Variants in CDON observed in about 807,000 individuals in gnomAD.
The protein encoded by CDON is cell adhesion molecule-related/down-regulated by oncogenes.
A neutral mutation model predicts 120.9 loss-of-function variants in CDON; 73 were observed. The ratio of observed to expected loss-of-function variants is 0.60; its 90% CI spans 0.50 to 0.73. The LOEUF is 0.73. CDON is among the 30% of genes least tolerant of loss of function. The probability of loss-of-function intolerance (pLI) is 0.00; values close to 1 mark genes in which losing one functional copy is unlikely to be tolerated. For missense variants in CDON, 1,470 were observed against 1,587.3 expected (o/e 0.93, Z 1.26); for synonymous variants, 566 against 573.5 (o/e 0.99, Z 0.19).
At chr11:126,042,166 G>T (rs1378510754) in intron 1 of CDON, among the ~76,000 whole-genome samples, 1 of 152,194 alleles carries the variant, frequency 6.6e-6, no homozygotes, top group Non-Finnish European at 1.5e-5. Context: ...TTACAGGCGT[G>T]AGCCACCAAG....
At chr11:126,055,096 A>G (rs1165819099) in intron 1 of CDON, among the ~76,000 whole-genome samples, 1 of 152,244 alleles carries the variant, frequency 6.6e-6, no homozygotes, top group Non-Finnish European at 1.5e-5. Flanking sequence ...CATTTCAGAA[A>G]GATCATTACT....
chr11:126,010,406 C>G lies in CDON; in HGVS notation c.1487G>C (p.Gly496Ala). The stretch of plus-strand genomic sequence containing the variant: ...ATTTGCAGCTTCGCAGATGTATTTC[C>G]CCGCATGTTCCTGAGTCACAGCCTG... ...HIQAVTQEHAGKYICEAANEH... is the reference protein window; with the variant it reads ...HIQAVTQEHAAKYICEAANEH... Residue 496 changes from glycine (G) to alanine (A), a missense_variant, in exon 8 of 20, where the codon GGG (glycine) becomes GCG (alanine). Physicochemically the swap from Gly to Ala is moderately conservative, Grantham distance 60. Transcript: ENST00000531738. The G allele has an allele frequency of 6.2e-7, 1 of 1,614,082 alleles. No individual in the cohort carries two copies. The highest frequency in any genetic ancestry group is 1.1e-5 in the South Asian group (1 of 91,074).
intron 1 of CDON, among the ~76,000 whole-genome samples, chr11:126,029,189 ACTCT>A (rs1473290427): frequency 5.9e-5 from 9 of 152,036 alleles, no homozygotes; most frequent in Non-Finnish European, 1.0e-4. Flanking sequence ...AGCAACTTTC[ACTCT>A]CTATTAGGGA....
chr11:125,962,103 TAAGA>T (rs1297336349), intron 18 of CDON, 105 bp from the exon 19 acceptor site: 12 of 866,776 alleles, frequency 1.4e-5, no homozygotes, highest in African/African-American at 3.3e-5. Flanking sequence ...CACAGACTCT[TAAGA>T]AAGAGTGATG....
Position 125,959,123 on chromosome 11 carries a change from A to G in CDON, c.*1819T>C, listed in dbSNP as rs1945570327. On this transcript the variant is annotated 3_prime_UTR_variant, in exon 20 of 20. Coordinates refer to ENST00000531738, the MANE Select transcript of CDON (RefSeq NM_001378964.1). ...TAGGGAATTACATTCACTACATTCTACTGGAAGTAACTCTTGCATAGTGAC... is the reference window on the plus strand; with the variant it reads ...TAGGGAATTACATTCACTACATTCTGCTGGAAGTAACTCTTGCATAGTGAC... The G allele has an allele frequency of 6.6e-6, 1 of 152,190 alleles. No individual in the cohort carries two copies. The highest frequency in any genetic ancestry group is 2.1e-4 in the South Asian group (1 of 4,830). 9.4% of individuals were successfully genotyped at this position (152,190 alleles called of 1,614,324 possible). A position where few individuals can be genotyped will look rare whatever the true frequency, so the allele number is the denominator to read the frequency against.
chr11:126,019,629 T>C lies in CDON; in HGVS notation c.486A>G (p.Glu162=). 1 of 1,614,140 alleles carries C rather than the reference T, an allele frequency of 6.2e-7. No homozygotes were observed. Among genetic ancestry groups the C allele is most frequent in the African/African-American group, 1.3e-5 (1 of 75,044 alleles). The part of the protein sequence containing the change: ...VRYKIRGKWL[E]HSTENYLILP... Reference sequence around the variant, plus strand: ...CACAAAAGGTCTCACCTGTGGAATGTTCCAGCCATTTTCCCCGGATTTTAT... The same window carrying C: ...CACAAAAGGTCTCACCTGTGGAATGCTCCAGCCATTTTCCCCGGATTTTAT... Residue 162 remains glutamate (E), a synonymous_variant, in exon 4 of 20, where the codon GAA becomes GAG. Coordinates refer to ENST00000531738, the MANE Select transcript of CDON (RefSeq NM_001378964.1).
intron 11 of CDON, among the ~76,000 whole-genome samples, chr11:125,998,366 A>G (rs694091): frequency 0.053 from 8,064 of 152,138 alleles, 253 homozygotes; most frequent in African/African-American, 0.079. Context: ...TGCCCTCCCC[A>G]TGGTAGTAAG....
At chr11:125,996,919 A>T (rs755521000) in intron 12 of CDON, among the ~76,000 whole-genome samples, 1 of 152,126 alleles carries the variant, frequency 6.6e-6, no homozygotes, top group Non-Finnish European at 1.5e-5. Context: ...CACGCCTGTA[A>T]TCCCAGCACT....
At chr11:126,023,634 T>C in intron 1 of CDON, 97 bp from the exon 2 acceptor site, 1 of 697,818 alleles carries the variant, frequency 1.4e-6, no homozygotes, top group Non-Finnish European at 2.6e-6. Context: ...TTTTGAAAGC[T>C]CTGTGTAGAG....
Position 126,017,305 on chromosome 11 carries a change from G to A in CDON, c.711C>T (p.Ser237=). The part of the protein sequence containing the change: ...HSQALAVLSR[S]PVTLECVVSG... Reference sequence around the variant, plus strand: ...TCACCACACACTCCAAGGTTACAGGGCTACGAGAAAGAACAGCTAATGCCT... The same window carrying A: ...TCACCACACACTCCAAGGTTACAGGACTACGAGAAAGAACAGCTAATGCCT... Residue 237 remains serine (S), a synonymous_variant, in exon 6 of 20, where the codon AGC becomes AGT. Coordinates refer to ENST00000531738, the MANE Select transcript of CDON (RefSeq NM_001378964.1). 1 of 1,614,136 alleles carries A rather than the reference G, an allele frequency of 6.2e-7. No individual in the cohort carries two copies. The highest frequency in any genetic ancestry group is 8.5e-7 in the Non-Finnish European group (1 of 1,180,008).
At position 125,961,999 on chromosome 11, in the gene CDON, C is replaced by A; in HGVS notation, c.3357-1G>T. ...AGTGCTGTTGGTTTTGGTGAAACAC[C>A]TGCAGAGGTTAAACCAAAAGAAACA... On this transcript the variant is annotated splice_acceptor_variant, in intron 18 of 19. Coordinates refer to ENST00000531738, the MANE Select transcript of CDON (RefSeq NM_001378964.1). LOFTEE classifies it high-confidence loss of function. 1.9e-6 allele frequency: 3 copies of A among 1,613,358 alleles called. No individual in the cohort carries two copies. The highest frequency in any genetic ancestry group is 2.5e-6 in the Non-Finnish European group (3 of 1,179,296).
At chr11:126,023,106 G>T (rs1309769019) in intron 2 of CDON, among the ~76,000 whole-genome samples, 1 of 151,872 alleles carries the variant, frequency 6.6e-6, no homozygotes, top group Non-Finnish European at 1.5e-5. Flanking sequence ...AGAAATTAGT[G>T]ACATATCCCC....
At position 126,004,433 on chromosome 11, in the gene CDON, C is replaced by A. The variant is rs112881423; in HGVS notation, c.1852-357G>T. ...AAAATAAGTATAAAATAATAGGTAT[C>A]ATTGGTAATTATATAATACACATAA... On this transcript the variant is annotated intron_variant, in intron 9 of 19. Coordinates refer to ENST00000531738, the MANE Select transcript of CDON (RefSeq NM_001378964.1). 555 of 293,714 alleles carry A rather than the reference C, an allele frequency of 1.9e-3. 10 individuals are homozygous for A. Among genetic ancestry groups the A allele is most frequent in the African/African-American group, 0.011 (523 of 45,820 alleles). 18.2% of individuals were successfully genotyped at this position (293,714 alleles called of 1,614,324 possible).
At chr11:125,966,838 A>G (rs1005421440) in intron 18 of CDON, among the ~76,000 whole-genome samples, 2 of 152,138 alleles carry the variant, frequency 1.3e-5, no homozygotes, top group Non-Finnish European at 2.9e-5. Flanking sequence ...GTACAGAAAG[A>G]CAGTAACTGC....
At chr11:126,043,743 C>T (rs555164979) in intron 1 of CDON, among the ~76,000 whole-genome samples, 3 of 152,292 alleles carry the variant, frequency 2.0e-5, no homozygotes, top group Admixed American at 1.3e-4. Context: ...TACACAGTTG[C>T]GCTTACATCC....
intron 14 of CDON, among the ~76,000 whole-genome samples, chr11:125,992,443 TG>T (rs1320374411): frequency 6.6e-6 from 1 of 152,334 alleles, no homozygotes; most frequent in East Asian, 1.9e-4. Context: ...GACATGCTCA[TG>T]GTACCCATAT....
At chr11:126,013,312 T>C (rs1409915344) in intron 7 of CDON, among the ~76,000 whole-genome samples, 1 of 152,258 alleles carries the variant, frequency 6.6e-6, no homozygotes, top group Non-Finnish European at 1.5e-5. Context: ...CACCATCTTA[T>C]TGTGGTTCTG....
intron 1 of CDON, among the ~76,000 whole-genome samples, chr11:126,026,426 A>G (rs977556653): frequency 2.6e-5 from 4 of 152,242 alleles, no homozygotes; most frequent in African/African-American, 9.6e-5. Context: ...CATTTTAGAA[A>G]TGAGAATTTT....
At chr11:126,004,563 AAT>A (rs892959486) in intron 9 of CDON, 2 of 163,530 alleles carry the variant, frequency 1.2e-5, no homozygotes, top group African/African-American at 2.4e-5. Context: ...GACACTGTTC[AAT>A]ATGTGTTAGA....
Sources: allele counts gnomAD v4.1 joint callset (sites outside exome capture counted in the v4.1 genomes callset), GRCh38; gene constraint gnomAD v4.1.1; transcripts MANE v1.5; gene names NCBI Gene and HGNC (gene_info 2026-07-23, HGNC 2026-07-21).